Variants in LMBR1 observed in about 807,000 individuals in gnomAD.
LMBR1 encodes limb region 1 protein homolog.
In LMBR1, 52 loss-of-function variants were observed where a neutral mutation model predicts 73.9. That is an observed-to-expected ratio of 0.70 (90% CI 0.56 to 0.89). The LOEUF (loss-of-function observed/expected upper bound fraction) is 0.89. Among genes scored for constraint, LMBR1 ranks in the 40% least tolerant of loss-of-function variants. LMBR1 has a pLI of 0.00. For missense variants in LMBR1, 539 were observed against 579.8 expected, an observed-to-expected ratio of 0.93 and a Z score of 0.72; for synonymous variants, 215 against 209.4, an observed-to-expected ratio of 1.03 and a Z score of -0.23.
Position 156,824,385 on chromosome 7 carries a change from CAAAT to C in LMBR1, c.319+2216_319+2219del, listed in dbSNP as rs529117176. Reference sequence around the variant, plus strand: ...AAACAACAAGAGACAGGAAATAAGACAAATAAGTATATTTATCTTACATATAAAA... The same window carrying C: ...AAACAACAAGAGACAGGAAATAAGACAAGTATATTTATCTTACATATAAAA... On this transcript the variant is annotated intron_variant, in intron 4 of 16. Coordinates refer to ENST00000353442, the MANE Select transcript of LMBR1 (RefSeq NM_022458.4). Among the ~76,000 whole-genome samples the C allele has an allele frequency of 4.9e-4, 74 of 152,168 alleles. 1 individual carries two copies. The highest frequency in any genetic ancestry group is 1.6e-3 in the African/African-American group (67 of 41,514).
chr7:156,832,947 T>C (rs996560820), intron 3 of LMBR1, among the ~76,000 whole-genome samples: 1 of 152,172 alleles, frequency 6.6e-6, no homozygotes, highest in Non-Finnish European at 1.5e-5. Context: ...AGAAAGGACA[T>C]TATTGGGATA....
At chr7:156,856,752 G>A (rs1272834207) in intron 1 of LMBR1, among the ~76,000 whole-genome samples, 3 of 151,804 alleles carry the variant, frequency 2.0e-5, no homozygotes, top group Non-Finnish European at 4.4e-5. Flanking sequence ...AGGAGTAAGT[G>A]AAGGTAAAAT....
intron 4 of LMBR1, among the ~76,000 whole-genome samples, chr7:156,821,647 G>A (rs2133762152): frequency 6.6e-6 from 1 of 152,314 alleles, no homozygotes; most frequent in South Asian, 2.1e-4. Flanking sequence ...AGACCTCTTT[G>A]AATGGGAAAA....
intron 4 of LMBR1, among the ~76,000 whole-genome samples, chr7:156,802,652 T>C (rs1161155150): frequency 6.6e-6 from 1 of 152,202 alleles, no homozygotes; most frequent in Non-Finnish European, 1.5e-5. Flanking sequence ...GAGTATATAA[T>C]TTGATAAGTT....
intron 5 of LMBR1, among the ~76,000 whole-genome samples, chr7:156,777,538 C>A (rs1826372111): frequency 6.6e-6 from 1 of 152,214 alleles, no homozygotes; most frequent in African/African-American, 2.4e-5. Flanking sequence ...AAGGGGCCTG[C>A]CAGTTCCTGA....
At chr7:156,781,632 T>C (rs1246668797) in intron 5 of LMBR1, among the ~76,000 whole-genome samples, 1 of 152,178 alleles carries the variant, frequency 6.6e-6, no homozygotes, top group African/African-American at 2.4e-5. Context: ...CTTTTCCCTT[T>C]CTATTTTAAA....
At chr7:156,800,082 G>A (rs959431974) in intron 4 of LMBR1, among the ~76,000 whole-genome samples, 1 of 152,230 alleles carries the variant, frequency 6.6e-6, no homozygotes, top group Non-Finnish European at 1.5e-5. Flanking sequence ...AGCAGCAAGT[G>A]CTGATGGAGA....
chr7:156,673,935 G>GT (rs1203126405), downstream of LMBR1, among the ~76,000 whole-genome samples: 1 of 150,956 alleles, frequency 6.6e-6, no homozygotes, highest in East Asian at 1.9e-4. Context: ...AAAAGTGAAC[G>GT]TGAGGACTCC....
chr7:156,892,483 G>A (rs865922525), intron 1 of LMBR1: 11 of 153,312 alleles, frequency 7.2e-5, no homozygotes, highest in Non-Finnish European at 1.5e-4. Context: ...GCCTGGCGGC[G>A]GAGCGCGGGG....
intron 4 of LMBR1, among the ~76,000 whole-genome samples, chr7:156,824,142 A>ACACG (rs147931890): frequency 0.039 from 5,951 of 151,736 alleles, 174 homozygotes; most frequent in Non-Finnish European, 0.048. Context: ...ATATATACAC[A>ACACG]CGCGCGCGCG....
downstream of LMBR1, chr7:156,675,985 G>C: frequency 9.4e-7 from 1 of 1,060,230 alleles, no homozygotes; most frequent in South Asian, 1.5e-5. Flanking sequence ...TCAGGCCCGG[G>C]GTGCAGCCGT....
chr7:156,878,745 A>C (rs1800598348), intron 1 of LMBR1, among the ~76,000 whole-genome samples: 1 of 152,228 alleles, frequency 6.6e-6, no homozygotes. Flanking sequence ...CCGCGTAGCC[A>C]AAACAAGTCT....
At chr7:156,770,955 T>C (rs1198389280) in intron 5 of LMBR1, among the ~76,000 whole-genome samples, 1 of 151,324 alleles carries the variant, frequency 6.6e-6, no homozygotes, top group South Asian at 2.1e-4. Context: ...GAAATTAAAG[T>C]AAGTATAATA....
At chr7:156,687,517 A>G (rs1326383137) in intron 16 of LMBR1, among the ~76,000 whole-genome samples, 1 of 152,198 alleles carries the variant, frequency 6.6e-6, no homozygotes, top group African/African-American at 2.4e-5. Context: ...GGAACACATA[A>G]CAGTAAATCC....
At chr7:156,763,267 G>C in intron 6 of LMBR1, 91 bp from the exon 7 acceptor site, 1 of 558,624 alleles carries the variant, frequency 1.8e-6, no homozygotes, top group Non-Finnish European at 3.1e-6. Context: ...GAGGCTGACT[G>C]TACCTCATGT....
At chr7:156,700,319 A>C (rs1020999596) in intron 15 of LMBR1, among the ~76,000 whole-genome samples, 1 of 151,958 alleles carries the variant, frequency 6.6e-6, no homozygotes, top group Non-Finnish European at 1.5e-5. Context: ...GCATGTTCTC[A>C]CTCATAGGTG....
At chr7:156,796,528 G>T (rs965135104) in intron 4 of LMBR1, 36 bp from the exon 5 acceptor site, 1 of 1,363,458 alleles carries the variant, frequency 7.3e-7, no homozygotes, top group African/African-American at 1.5e-5. Context: ...AGAAAAACAG[G>T]TTAGATATTG....
rs772296908 is a variant in LMBR1 at position 156,728,815 on chromosome 7, T to TA, written c.839-96dup. The TA allele has an allele frequency of 1.8e-4, 156 of 849,124 alleles. 4 individuals carry two copies. The East Asian group carries it at 2.8e-3, about 15-fold the overall frequency. 52.6% of individuals were successfully genotyped at this position (849,124 alleles called of 1,614,324 possible). Reference sequence around the variant, plus strand: ...ATCTGTTTTATACATAATTTCTTTTTAAAAAACATAAATTACTTTTAATTT... The same window carrying TA: ...ATCTGTTTTATACATAATTTCTTTTTAAAAAAACATAAATTACTTTTAATTT... On this transcript the variant is annotated intron_variant, in intron 10 of 16. Coordinates refer to ENST00000353442, the MANE Select transcript of LMBR1 (RefSeq NM_022458.4).
chr7:156,893,106 C>G lies in LMBR1; in HGVS notation c.-113G>C. The G allele has an allele frequency of 8.9e-7, 1 of 1,119,936 alleles. No homozygotes were observed. Among genetic ancestry groups the G allele is most frequent in the African/African-American group, 1.6e-5 (1 of 60,816 alleles). 69.4% of individuals were successfully genotyped at this position (1,119,936 alleles called of 1,614,324 possible). ...CCGGGGACCGGAGCCGGCACGGGCC[C>G]GCGAGCCGTGTTGGAACAGGTACCG... On this transcript the variant is annotated 5_prime_UTR_variant, in exon 1 of 17. Coordinates refer to ENST00000353442, the MANE Select transcript of LMBR1 (RefSeq NM_022458.4).
Sources: allele counts gnomAD v4.1 joint callset (sites outside exome capture counted in the v4.1 genomes callset), GRCh38; gene constraint gnomAD v4.1.1; transcripts MANE v1.5; gene names NCBI Gene and HGNC (gene_info 2026-07-23, HGNC 2026-07-21).